RBFOX1: variants seen among roughly 807,000 people sequenced by gnomAD.
RBFOX1 encodes RNA binding protein fox-1 homolog 1.
In RBFOX1, 8 loss-of-function variants were observed where a neutral mutation model predicts 57.7. The observed-to-expected ratio is 0.14, with a 90% CI of 0.08 to 0.25. RBFOX1 has a LOEUF of 0.25. Ranked by LOEUF, RBFOX1 falls within the 10% of genes least tolerant of loss-of-function variation. RBFOX1 has a pLI of 1.00. For synonymous variants in RBFOX1, 326 were observed against 222.4 expected (o/e 1.47, Z -4.15); for missense variants, 611 against 548.5 (o/e 1.11, Z -1.14).
At chr16:7,190,816 G>C (rs1201364742) in intron 4 of RBFOX1, among the ~76,000 whole-genome samples, 4 of 152,290 alleles carry the variant, frequency 2.6e-5, no homozygotes, top group Admixed American at 2.6e-4. Context: ...TTTGGTAACA[G>C]TTACGTTGAG....
intron 4 of RBFOX1, among the ~76,000 whole-genome samples, chr16:7,171,122 C>G (rs2080608379): frequency 6.6e-6 from 1 of 152,220 alleles, no homozygotes; most frequent in African/African-American, 2.4e-5. Context: ...CTCCCTATGT[C>G]TTGGGCACTC....
intron 5 of RBFOX1, among the ~76,000 whole-genome samples, chr16:7,549,852 A>G (rs552123302): frequency 6.6e-6 from 1 of 152,308 alleles, no homozygotes; most frequent in South Asian, 2.1e-4. Context: ...TCACGGACAC[A>G]CGCAGGAGCA....
intron 4 of RBFOX1, among the ~76,000 whole-genome samples, chr16:6,001,507 C>T (rs1023440457): frequency 5.3e-5 from 8 of 152,076 alleles, no homozygotes; most frequent in Admixed American, 2.6e-4. Context: ...GGTTGAACCC[C>T]ATCATGTCTA....
At chr16:6,197,003 A>G (rs2097183965) in intron 1 of RBFOX1, among the ~76,000 whole-genome samples, 1 of 152,188 alleles carries the variant, frequency 6.6e-6, no homozygotes, top group Non-Finnish European at 1.5e-5. Flanking sequence ...GAGTGGAATA[A>G]AAAAGAAGAA....
rs375484275 is a variant in RBFOX1 at position 6,786,136 on chromosome 16, C to A, written c.-16+131486C>A. Among the ~76,000 whole-genome samples the A allele has an allele frequency of 6.6e-5, 10 of 152,240 alleles. No individual in the cohort carries two copies. In the East Asian group the frequency reaches 1.7e-3, roughly 27 times the overall value. Reference sequence around the variant, plus strand: ...CAAAAGTCTGCATGACTTTGGGTCCCCCTAAATGAATGGAGTTCGGGGGCC... The same window carrying A: ...CAAAAGTCTGCATGACTTTGGGTCCACCTAAATGAATGGAGTTCGGGGGCC... On this transcript the variant is annotated intron_variant, in intron 3 of 15. Transcript: ENST00000550418.
intron 3 of RBFOX1, among the ~76,000 whole-genome samples, chr16:6,844,935 G>T (rs1483760541): frequency 1.3e-5 from 2 of 152,176 alleles, no homozygotes; most frequent in Non-Finnish European, 2.9e-5. Context: ...CTAATGATCA[G>T]TGATACTAAG....
rs201206838 is a variant in RBFOX1, at chr16:6,937,159, G to GAT, written c.-15-114895_-15-114894dup. Among the ~76,000 whole-genome samples the GAT allele has an allele frequency of 6.6e-4, 101 of 152,184 alleles. 1 individual carries two copies. In the East Asian group the frequency reaches 0.016, roughly 24 times the overall value. The stretch of plus-strand genomic sequence containing the variant: ...TTACCTTTAAAATGTTATCAAAAAT[G>GAT]ATATTTTTTTCCAAATTTTTATTCT... On this transcript the variant is annotated intron_variant, in intron 3 of 15. Coordinates refer to ENST00000550418, the MANE Select transcript of RBFOX1 (RefSeq NM_018723.4).
rs34580591 is a variant in RBFOX1 at position 7,446,798 on chromosome 16, A to ATTT, written c.28-71319_28-71317dup. Among the ~76,000 whole-genome samples, 54 of 49,026 alleles carry ATTT rather than the reference A, an allele frequency of 1.1e-3. 3 individuals carry two copies. Among genetic ancestry groups the ATTT allele is most frequent in the South Asian group, 1.3e-3 (1 of 756 alleles). The allele number at this position is 49,026 out of a possible 152,430, so 32.2% of individuals were successfully genotyped here. On this transcript the variant is annotated intron_variant, in intron 4 of 15. Coordinates refer to ENST00000550418, the MANE Select transcript of RBFOX1 (RefSeq NM_018723.4). Reference sequence around the variant, plus strand: ...TTCTCAAGCCAAGGTAGGTCTAGGTATTTTTTTTTTTTTTTTTTTTTTTTT... The same window carrying ATTT: ...TTCTCAAGCCAAGGTAGGTCTAGGTATTTTTTTTTTTTTTTTTTTTTTTTTTTT...
In RBFOX1 at chr16:6,155,399, G is replaced by T. The variant is rs187461429; in HGVS notation, c.-127+135407G>T. The stretch of plus-strand genomic sequence containing the variant: ...TTTAGAAACAGAGTGAGACTAGAAG[G>T]GCCATCTGCTGAGTAAGTAGAGACC... On this transcript the variant is annotated intron_variant, in intron 1 of 15. Transcript: ENST00000550418. Among the ~76,000 whole-genome samples the T allele has an allele frequency of 2.1e-3, 327 of 152,262 alleles. 3 individuals are homozygous for T. Among genetic ancestry groups the T allele is most frequent in the African/African-American group, 7.2e-3 (300 of 41,568 alleles).
intron 4 of RBFOX1, among the ~76,000 whole-genome samples, chr16:5,931,181 T>C (rs1597839231): frequency 6.6e-6 from 1 of 152,116 alleles, no homozygotes; most frequent in South Asian, 2.1e-4. Context: ...TGGTTACCCC[T>C]TGAGCTCCAA....
At chr16:5,660,010 C>T (rs894367190) in intron 3 of RBFOX1, among the ~76,000 whole-genome samples, 4 of 152,122 alleles carry the variant, frequency 2.6e-5, no homozygotes, top group Non-Finnish European at 4.4e-5. Flanking sequence ...TCTTTTTATT[C>T]TATTTTTATG....
chr16:6,584,956 C>G (rs530275310), intron 2 of RBFOX1, among the ~76,000 whole-genome samples: 23 of 152,162 alleles, frequency 1.5e-4, no homozygotes, highest in Non-Finnish European at 2.6e-4. Flanking sequence ...CTTTGCCTTA[C>G]TGAAGATAAA....
chr16:5,861,305 GTGAC>G (rs1393791459), intron 3 of RBFOX1, among the ~76,000 whole-genome samples: 1 of 152,210 alleles, frequency 6.6e-6, no homozygotes, highest in South Asian at 2.1e-4. Flanking sequence ...AGGTGACTAT[GTGAC>G]TGAGCTCTAG....
Position 6,189,980 on chromosome 16 carries a change from G to A in RBFOX1, c.-126-127015G>A, listed in dbSNP as rs541789194. On this transcript the variant is annotated intron_variant, in intron 1 of 15. Coordinates refer to ENST00000550418, the MANE Select transcript of RBFOX1 (RefSeq NM_018723.4). ...TTTTCCCCAATGTTTTCTTGTAGTA[G>A]TTTCATAGTTTGAGGTCTTAGATTG... is the stretch of plus-strand genomic sequence containing the variant. 6.6e-5 allele frequency among the ~76,000 whole-genome samples: 10 copies of A among 152,248 alleles called. No homozygotes were observed. In the East Asian group the frequency reaches 1.9e-3, roughly 29 times the overall value.
chr16:7,602,627 G>A (rs1436841159), intron 9 of RBFOX1, among the ~76,000 whole-genome samples: 1 of 152,172 alleles, frequency 6.6e-6, no homozygotes, highest in African/African-American at 2.4e-5. Context: ...GAGTCACAGG[G>A]AATGTGGGTT....
chr16:5,815,792 C>T (rs2151791663), intron 3 of RBFOX1, among the ~76,000 whole-genome samples: 1 of 152,276 alleles, frequency 6.6e-6, no homozygotes, highest in South Asian at 2.1e-4. Context: ...TCTCAGGAAA[C>T]AGTGGAGCCC....
intron 1 of RBFOX1, among the ~76,000 whole-genome samples, chr16:5,441,078 C>T (rs1189076078): frequency 1.3e-5 from 2 of 152,104 alleles, no homozygotes; most frequent in Non-Finnish European, 2.9e-5. Context: ...TTGACTTGGG[C>T]CGTGGTTCAG....
chr16:5,690,902 G>A (rs1456965906), intron 3 of RBFOX1, among the ~76,000 whole-genome samples: 1 of 152,084 alleles, frequency 6.6e-6, no homozygotes. Context: ...TTTGTTTGGG[G>A]GAACTGCTCA....
intron 3 of RBFOX1, among the ~76,000 whole-genome samples, chr16:7,009,981 T>C (rs772756081): frequency 6.6e-6 from 1 of 152,154 alleles, no homozygotes; most frequent in Non-Finnish European, 1.5e-5. Flanking sequence ...GAGGTAAGGC[T>C]TCCTGTGCTA....
Sources: allele counts gnomAD v4.1 joint callset (sites outside exome capture counted in the v4.1 genomes callset), GRCh38; gene constraint gnomAD v4.1.1; transcripts MANE v1.5; gene names NCBI Gene and HGNC (gene_info 2026-07-23, HGNC 2026-07-21).